PAQR5: variants seen among roughly 807,000 people sequenced by gnomAD.
The protein encoded by PAQR5 is progestin and adipoQ receptor family member 5.
PAQR5 carries 20 observed loss-of-function variants against 34.5 expected under a neutral mutation model. That is an observed-to-expected ratio of 0.58 (90% confidence interval 0.41 to 0.84). The LOEUF is 0.84. PAQR5 is among the 40% of genes least tolerant of loss of function. The probability of loss-of-function intolerance (pLI) is 0.00; values close to 1 mark genes in which losing one functional copy is unlikely to be tolerated. For synonymous variants in PAQR5, 131 were observed against 155.6 expected (o/e 0.84, Z 1.18); for missense variants, 378 against 412.7 (o/e 0.92, Z 0.73).
intron 3 of PAQR5, among the ~76,000 whole-genome samples, chr15:69,376,999 C>A (rs1417170903): frequency 1.3e-5 from 2 of 152,174 alleles, no homozygotes; most frequent in African/African-American, 2.4e-5. Flanking sequence ...CCCTACCCAG[C>A]CTTCTCCCTG....
rs1567044637 is a variant in PAQR5, at chr15:69,400,069, T to C, written c.705T>C (p.Ser235=). 2 of 1,614,232 alleles carry C rather than the reference T, an allele frequency of 1.2e-6. No homozygotes were observed. The highest frequency in any genetic ancestry group is 1.6e-4 in the Middle Eastern group (1 of 6,062). ...CCCTCCTGGCCTCTTTCTTGTACTC[T>C]GCACATCTGCCAGAACGCCTAGCCC... The part of the protein sequence containing the change: ...IMTLLASFLY[S]AHLPERLAPG... The change falls in exon 8 of 9, where the codon TCT becomes TCC. Residue 235 remains serine (S), a synonymous_variant. Transcript: ENST00000395407.
At chr15:69,379,830 C>T in intron 3 of PAQR5, 53 bp from the exon 4 acceptor site, 1 of 1,589,148 alleles carries the variant, frequency 6.3e-7, no homozygotes, top group Non-Finnish European at 8.5e-7. Context: ...CTCCAGAGAC[C>T]TTCGTGCCAC....
intron 1 of PAQR5, among the ~76,000 whole-genome samples, chr15:69,320,984 T>C (rs1053407918): frequency 1.3e-5 from 2 of 152,246 alleles, no homozygotes; most frequent in African/African-American, 2.4e-5. Flanking sequence ...TTGGCTTTTT[T>C]TCAGAGACTG....
intron 6 of PAQR5, among the ~76,000 whole-genome samples, chr15:69,394,289 A>G (rs2056352719): frequency 6.6e-6 from 1 of 152,006 alleles, no homozygotes; most frequent in Admixed American, 6.6e-5. Context: ...TCAGCGCTGG[A>G]GGTAGAAGGC....
chr15:69,300,590 C>CT (rs2053516923), intron 1 of PAQR5, among the ~76,000 whole-genome samples: 2 of 42,062 alleles, frequency 4.8e-5, no homozygotes, highest in Middle Eastern at 0.018. Flanking sequence ...TCTTTCTTTC[C>CT]TTCTTTCTTT....
chr15:69,355,669 C>A (rs2055059189), intron 2 of PAQR5, among the ~76,000 whole-genome samples: 1 of 152,098 alleles, frequency 6.6e-6, no homozygotes, highest in Non-Finnish European at 1.5e-5. Context: ...GATCCACCTG[C>A]CTCAGCCTCC....
In PAQR5 at chr15:69,322,758, G is replaced by GAAGAAA. The variant is rs2054141612; in HGVS notation, c.-276-14578_-276-14577insAAAGAA. Among the ~76,000 whole-genome samples, 3 of 46,394 alleles carry GAAGAAA rather than the reference G, an allele frequency of 6.5e-5. 1 individual carries two copies. In the South Asian group the frequency reaches 2.7e-3, roughly 41 times the overall value. The allele number at this position is 46,394 out of a possible 152,430, so 30.4% of individuals were successfully genotyped here. A position where few individuals can be genotyped will look rare whatever the true frequency, so the allele number is the denominator to read the frequency against. On this transcript the variant is annotated intron_variant, in intron 1 of 8. Coordinates refer to ENST00000395407, the MANE Select transcript of PAQR5 (RefSeq NM_017705.4). ...AGAAGAAGAAGAAGAAGAAGAAGAA[G>GAAGAAA]AAGAAGAAGAAGAGGGAGAAGAAGA...
At chr15:69,340,875 C>G (rs144745850) in intron 2 of PAQR5, among the ~76,000 whole-genome samples, 3 of 152,134 alleles carry the variant, frequency 2.0e-5, no homozygotes, top group African/African-American at 7.2e-5. Context: ...TTTGCAGCAA[C>G]AGGATGTGTA....
chr15:69,364,116 A>G (rs1161472232), intron 3 of PAQR5, among the ~76,000 whole-genome samples: 3 of 152,162 alleles, frequency 2.0e-5, no homozygotes, highest in Non-Finnish European at 2.9e-5. Context: ...TGAAGATCCA[A>G]TAAAAATGAA....
intron 8 of PAQR5, 60 bp downstream of exon 8, chr15:69,400,175 T>C: frequency 6.6e-7 from 1 of 1,522,112 alleles, no homozygotes; most frequent in South Asian, 1.2e-5. Flanking sequence ...GAGGGTCCTG[T>C]CCCTGACTCC....
At chr15:69,349,886 C>T (rs1338500546) in intron 2 of PAQR5, among the ~76,000 whole-genome samples, 2 of 152,064 alleles carry the variant, frequency 1.3e-5, no homozygotes, top group African/African-American at 4.8e-5. Flanking sequence ...AAGTGATCGG[C>T]CCGCCTTGGC....
At chr15:69,378,826 G>T (rs577903897) in intron 3 of PAQR5, among the ~76,000 whole-genome samples, 1 of 152,244 alleles carries the variant, frequency 6.6e-6, no homozygotes, top group East Asian at 1.9e-4. Flanking sequence ...CACAACTTGG[G>T]GGGTAGGGTG....
At chr15:69,310,893 G>C (rs1254247254) in intron 1 of PAQR5, among the ~76,000 whole-genome samples, 1 of 151,656 alleles carries the variant, frequency 6.6e-6, no homozygotes, top group Non-Finnish European at 1.5e-5. Context: ...AAAAAAATTA[G>C]CCGGGTGTGG....
chr15:69,306,688 C>A (rs1003656410), intron 1 of PAQR5, among the ~76,000 whole-genome samples: 2 of 152,072 alleles, frequency 1.3e-5, no homozygotes, highest in African/African-American at 4.8e-5. Flanking sequence ...CAGGTGTGAG[C>A]CACCGCCCCC....
rs1566986749 is a variant in PAQR5, at chr15:69,300,943, CTTTCCTTCTTTCTTTCTT to C, written c.-277+1889_-277+1906del. Reference sequence around the variant, plus strand: ...TCTCTCTCTCTCTCTCTCTCTCTTTCTTTCCTTCTTTCTTTCTTTCTTTCTTTCTTTCTTTCTTTCTTT... The same window carrying C: ...TCTCTCTCTCTCTCTCTCTCTCTTTCTCTTTCTTTCTTTCTTTCTTTCTTT... On this transcript the variant is annotated intron_variant, in intron 1 of 8. Transcript: ENST00000395407. Among the ~76,000 whole-genome samples, 33 of 44,536 alleles carry C rather than the reference CTTTCCTTCTTTCTTTCTT, an allele frequency of 7.4e-4. 6 individuals are homozygous for C. The highest frequency in any genetic ancestry group is 3.5e-4 in the African/African-American group (5 of 14,274). The allele number at this position is 44,536 out of a possible 152,430, so 29.2% of individuals were successfully genotyped here. A position where few individuals can be genotyped will look rare whatever the true frequency, so the allele number is the denominator to read the frequency against.
intron 1 of PAQR5, among the ~76,000 whole-genome samples, chr15:69,307,220 C>T (rs2053738931): frequency 6.6e-6 from 1 of 151,800 alleles, no homozygotes; most frequent in Admixed American, 6.6e-5. Flanking sequence ...TCATTTGTTT[C>T]TGACACTTCA....
At chr15:69,324,851 C>T (rs1336489931) in intron 1 of PAQR5, among the ~76,000 whole-genome samples, 1 of 151,900 alleles carries the variant, frequency 6.6e-6, no homozygotes, top group Admixed American at 6.6e-5. Flanking sequence ...TCCCCCATAG[C>T]TGTGGCACTC....
At chr15:69,366,842 G>A (rs371892922) in intron 3 of PAQR5, among the ~76,000 whole-genome samples, 9 of 152,050 alleles carry the variant, frequency 5.9e-5, no homozygotes, top group South Asian at 4.2e-4. Context: ...TTTACTTTAC[G>A]TATTTTGAGC....
At chr15:69,330,633 A>G (rs1467304921) in intron 1 of PAQR5, among the ~76,000 whole-genome samples, 8 of 152,022 alleles carry the variant, frequency 5.3e-5, no homozygotes, top group Admixed American at 4.6e-4. Context: ...TCGACTCCCT[A>G]TGATTTCATC....
Sources: allele counts gnomAD v4.1 joint callset (sites outside exome capture counted in the v4.1 genomes callset), GRCh38; gene constraint gnomAD v4.1.1; transcripts MANE v1.5; gene names NCBI Gene and HGNC (gene_info 2026-07-23, HGNC 2026-07-21).